TRPM7: variants seen among roughly 807,000 people sequenced by gnomAD.
The protein encoded by TRPM7 is LTRPC ion channel family member 7.
Under a neutral mutation model 229.7 loss-of-function variants are expected in TRPM7, and 134 were observed. The ratio of observed to expected loss-of-function variants is 0.58; its 90% CI spans 0.51 to 0.67. TRPM7 has a LOEUF of 0.67. Ranked by LOEUF, TRPM7 falls within the 30% of genes least tolerant of loss-of-function variation. TRPM7 has a pLI of 0.00. For missense variants in TRPM7, 1,901 were observed against 2,210.0 expected, an observed-to-expected ratio of 0.86 and a Z score of 2.80; for synonymous variants, 699 against 715.2, an observed-to-expected ratio of 0.98 and a Z score of 0.36.
At chr15:50,680,365 ACT>A (rs1251242322) in intron 1 of TRPM7, among the ~76,000 whole-genome samples, 7 of 152,132 alleles carry the variant, frequency 4.6e-5, no homozygotes, top group African/African-American at 1.7e-4. Context: ...ACATGCCAAA[ACT>A]CTGTCTCCAG....
chr15:50,643,079 A>G lies in TRPM7; in HGVS notation c.535+261T>C, dbSNP rs577271851. ...GGATAATTTTGCGGATCACGAGGTCAGCAGTTCGAGACCAGCCTGACCAAT... is the reference window on the plus strand; with the variant it reads ...GGATAATTTTGCGGATCACGAGGTCGGCAGTTCGAGACCAGCCTGACCAAT... On this transcript the variant is annotated intron_variant, in intron 5 of 38. Coordinates refer to ENST00000646667, the MANE Select transcript of TRPM7 (RefSeq NM_017672.6). Among the ~76,000 whole-genome samples the G allele has an allele frequency of 1.5e-4, 23 of 152,280 alleles. 1 individual carries two copies. Among genetic ancestry groups the G allele is most frequent in the African/African-American group, 5.3e-4 (22 of 41,550 alleles).
At chr15:50,622,041 A>G (rs1217953459) in intron 12 of TRPM7, among the ~76,000 whole-genome samples, 1 of 152,172 alleles carries the variant, frequency 6.6e-6, no homozygotes, top group Non-Finnish European at 1.5e-5. Flanking sequence ...AAAAAAACAA[A>G]ACAAAACAAA....
At chr15:50,644,951 G>C (rs1436393639) in intron 4 of TRPM7, among the ~76,000 whole-genome samples, 2 of 152,058 alleles carry the variant, frequency 1.3e-5, no homozygotes, top group South Asian at 2.1e-4. Flanking sequence ...GCCCAGGCTG[G>C]AGTGCAGTGG....
At chr15:50,601,557 G>A (rs1455512158) in intron 21 of TRPM7, among the ~76,000 whole-genome samples, 4 of 152,194 alleles carry the variant, frequency 2.6e-5, no homozygotes, top group South Asian at 2.1e-4. Context: ...CAGAAGAATC[G>A]CTTGAATCCA....
At chr15:50,645,514 T>C (rs2061237898) in intron 4 of TRPM7, among the ~76,000 whole-genome samples, 1 of 152,164 alleles carries the variant, frequency 6.6e-6, no homozygotes, top group African/African-American at 2.4e-5. Context: ...GTATTTTTAG[T>C]AGAGACAGGG....
Position 50,592,068 on chromosome 15 carries a change from A to C in TRPM7, c.4167T>G (p.Thr1389=). 6.2e-7 allele frequency: 1 copy of C among 1,613,188 alleles called. No homozygotes were observed. Among genetic ancestry groups the C allele is most frequent in the South Asian group, 1.1e-5 (1 of 90,626 alleles). Residue 1389 remains threonine, a synonymous_variant, in exon 26 of 39, where the codon ACT becomes ACG. Coordinates refer to ENST00000646667, the MANE Select transcript of TRPM7 (RefSeq NM_017672.6). ...GTGGGGATGACAGATGTGGTATGCT[A>C]GTAGATGAACTGCCTAATTTTTGAT... ...NKNQKLGSSS[T]SIPHLSSPPT... is the part of the protein sequence containing the mutation.
intron 1 of TRPM7, among the ~76,000 whole-genome samples, chr15:50,674,897 C>G (rs578118962): frequency 1.3e-5 from 2 of 152,290 alleles, no homozygotes; most frequent in East Asian, 3.9e-4. Context: ...TTTCCAAGAG[C>G]TGGAAACCAG....
rs1182636776 is a variant in TRPM7, at chr15:50,592,118, C to T, written c.4117G>A (p.Glu1373Lys). The T allele has an allele frequency of 6.2e-7, 1 of 1,612,580 alleles. No individual in the cohort carries two copies. Among genetic ancestry groups the T allele is most frequent in the Admixed American group, 1.7e-5 (1 of 59,790 alleles). Reference protein sequence around the residue: ...PELRQRLHGVELLKIFNKNQK... With the variant: ...PELRQRLHGVKLLKIFNKNQK... Reference sequence around the variant, plus strand: ...TTTTTATTAAATATTTTTAAGAGTTCTACCCCATGTAGTCTCTGTCGCAGT... The same window carrying T: ...TTTTTATTAAATATTTTTAAGAGTTTTACCCCATGTAGTCTCTGTCGCAGT... The change falls in exon 26 of 39, where the codon GAA becomes AAA. Residue 1373 changes from glutamate (E) to lysine (K), a missense_variant. Around this residue, in one of 8 missense-constraint regions of TRPM7, gnomAD observed 533 missense variants for 497.1 expected, o/e 1.07. Transcript: ENST00000646667.
Position 50,628,179 on chromosome 15 carries a change from A to G in TRPM7, c.1275T>C (p.Asn425=). 2.5e-6 allele frequency: 4 copies of G among 1,613,374 alleles called. No homozygotes were observed. The highest frequency in any genetic ancestry group is 3.4e-6 in the Non-Finnish European group (4 of 1,179,786). ...LAWDRVDIAK[N]HVFVYGQQWL... is the part of the protein sequence containing the mutation. ...ACTGCTGTCCATAAACAAATACATG[A>G]TTTTTGGCAATGTCAACTCTATCCC... The change falls in exon 11 of 39, where the codon AAT becomes AAC. Residue 425 remains asparagine (N), a synonymous_variant. Transcript: ENST00000646667.
At chr15:50,684,675 G>A (rs1310069067) in intron 1 of TRPM7, among the ~76,000 whole-genome samples, 1 of 151,864 alleles carries the variant, frequency 6.6e-6, no homozygotes, top group East Asian at 1.9e-4. Context: ...ATACAGAGGA[G>A]AAAGAAACAT....
chr15:50,565,780 A>G (rs545999924), intron 38 of TRPM7, among the ~76,000 whole-genome samples: 5 of 152,008 alleles, frequency 3.3e-5, no homozygotes, highest in Non-Finnish European at 5.9e-5. Flanking sequence ...CAGAATATAC[A>G]TTACTTTCCA....
chr15:50,604,812 A>G (rs911497464), intron 21 of TRPM7, 54 bp downstream of exon 21: 3 of 1,484,930 alleles, frequency 2.0e-6, no homozygotes, highest in Non-Finnish European at 2.7e-6. Flanking sequence ...CATTTTTGTG[A>G]TTTTTTAAAA....
intron 1 of TRPM7, among the ~76,000 whole-genome samples, chr15:50,677,751 A>C (rs868761433): frequency 9.4e-5 from 14 of 148,230 alleles, no homozygotes; most frequent in Middle Eastern, 3.5e-3. Flanking sequence ...AAAAAAAAAA[A>C]AAAAAAAAAC....
chr15:50,616,360 C>A (rs1055852317), intron 13 of TRPM7, among the ~76,000 whole-genome samples: 2 of 152,140 alleles, frequency 1.3e-5, no homozygotes, highest in Non-Finnish European at 2.9e-5. Flanking sequence ...ACATTTGTTT[C>A]CAAAATTTTA....
chr15:50,608,959 CAAAACAACA>C (rs1040812374), intron 19 of TRPM7, among the ~76,000 whole-genome samples: 1 of 152,116 alleles, frequency 6.6e-6, no homozygotes, highest in African/African-American at 2.4e-5. Context: ...ACAAAACAAC[CAAAACAACA>C]CATAAACACC....
In TRPM7 at chr15:50,611,588, A is replaced by G. The variant is rs114453330; in HGVS notation, c.2052-267T>C. On this transcript the variant is annotated intron_variant, in intron 16 of 38. Transcript: ENST00000646667. ...TCCTAGAAATCAAACTATAATCTCA[A>G]AGGGAATCAAAACTCACAATGCTAC... 5.6e-3 allele frequency among the ~76,000 whole-genome samples: 855 copies of G among 152,296 alleles called. 6 individuals are homozygous for G. Among genetic ancestry groups the G allele is most frequent in the African/African-American group, 0.02 (822 of 41,548 alleles).
At chr15:50,655,306 G>A (rs923120560) in intron 3 of TRPM7, among the ~76,000 whole-genome samples, 8 of 151,266 alleles carry the variant, frequency 5.3e-5, no homozygotes, top group South Asian at 4.2e-4. Context: ...GGTGGCATGC[G>A]TCTGTAATCC....
chr15:50,612,851 T>C, intron 15 of TRPM7, 22 bp from the exon 16 acceptor site: 1 of 1,590,642 alleles, frequency 6.3e-7, no homozygotes, highest in Non-Finnish European at 8.5e-7. Context: ...AATAAAGTTA[T>C]AAAGCTCATT....
intron 1 of TRPM7, among the ~76,000 whole-genome samples, chr15:50,684,511 C>T (rs576580159): frequency 2.0e-4 from 31 of 151,844 alleles, no homozygotes; most frequent in African/African-American, 6.8e-4. Flanking sequence ...TGTGGTGGCT[C>T]GCACCTGGAG....
Sources: gnomAD v4.1 joint callset for allele counts (sites outside exome capture counted in the v4.1 genomes callset) on GRCh38, gnomAD v4.1.1 for gene constraint, gnomAD v4.1.1 regional missense constraint, MANE v1.5 for transcripts, NCBI Gene and HGNC (gene_info 2026-07-23, HGNC 2026-07-21) for gene names.